The following ANO4 variants were observed in gnomAD, a reference collection of about 807,000 sequenced individuals.
ANO4 encodes anoctamin 4.
ANO4 carries 69 observed loss-of-function variants against 141.9 expected under a neutral mutation model. That is an observed-to-expected ratio of 0.49 (90% CI 0.40 to 0.59). The LOEUF (loss-of-function observed/expected upper bound fraction) is 0.59. Among genes scored for constraint, ANO4 ranks in the 20% least tolerant of loss-of-function variants. The pLI is 0.00. For missense variants in ANO4, 894 were observed against 1,162.2 expected, an observed-to-expected ratio of 0.77 and a Z score of 3.36; for synonymous variants, 350 against 394.3, an observed-to-expected ratio of 0.89 and a Z score of 1.33.
At chr12:100,936,750 C>A (rs1345648899) in intron 3 of ANO4, among the ~76,000 whole-genome samples, 1 of 152,166 alleles carries the variant, frequency 6.6e-6, no homozygotes, top group Non-Finnish European at 1.5e-5. Flanking sequence ...TCACTTTAAG[C>A]TCCCAGAGTC....
chr12:101,058,104 A>G (rs1593150661), intron 14 of ANO4, among the ~76,000 whole-genome samples: 1 of 152,220 alleles, frequency 6.6e-6, no homozygotes, highest in Non-Finnish European at 1.5e-5. Flanking sequence ...TCCCAACACC[A>G]TTTATTAAAT....
intron 25 of ANO4, among the ~76,000 whole-genome samples, chr12:101,118,377 A>G (rs2050941553): frequency 6.6e-6 from 1 of 152,184 alleles, no homozygotes; most frequent in Non-Finnish European, 1.5e-5. Flanking sequence ...GGAGGTATTA[A>G]TGCTGGCACC....
intron 1 of ANO4, among the ~76,000 whole-genome samples, chr12:100,883,688 T>C: frequency 6.6e-6 from 1 of 152,204 alleles, no homozygotes; most frequent in East Asian, 1.9e-4. Flanking sequence ...GCTTACACTA[T>C]TCACATTACT....
chr12:100,778,357 G>C (rs2033602490), intron 3 of ANO4, among the ~76,000 whole-genome samples: 1 of 152,160 alleles, frequency 6.6e-6, no homozygotes. Context: ...GGTTCTTGAA[G>C]GCAATGTGAG....
intron 3 of ANO4, among the ~76,000 whole-genome samples, chr12:100,756,256 G>A (rs567488999): frequency 6.6e-6 from 1 of 152,186 alleles, no homozygotes; most frequent in South Asian, 2.1e-4. Flanking sequence ...GTCCTGAAAT[G>A]CCACTTTACT....
chr12:100,972,806 A>G (rs908218076), intron 6 of ANO4, among the ~76,000 whole-genome samples: 1 of 152,244 alleles, frequency 6.6e-6, no homozygotes, highest in African/African-American at 2.4e-5. Flanking sequence ...AATAAATCTC[A>G]TAAAACCTTC....
At chr12:100,986,739 G>T (rs1486779433) in intron 7 of ANO4, among the ~76,000 whole-genome samples, 1 of 152,164 alleles carries the variant, frequency 6.6e-6, no homozygotes, top group Non-Finnish European at 1.5e-5. Context: ...GTTTGGTGTG[G>T]TTTTTGCGCC....
intron 1 of ANO4, among the ~76,000 whole-genome samples, chr12:100,857,842 C>G (rs1372967421): frequency 2.6e-5 from 4 of 152,060 alleles, no homozygotes; most frequent in Non-Finnish European, 5.9e-5. Context: ...AAAGAATTTT[C>G]TTACTAAATA....
At chr12:101,027,972 G>A (rs913244531) in intron 9 of ANO4, among the ~76,000 whole-genome samples, 2 of 152,272 alleles carry the variant, frequency 1.3e-5, no homozygotes, top group Non-Finnish European at 2.9e-5. Context: ...GAAGGAGCAG[G>A]CACCCATCTT....
chr12:101,069,964 T>C (rs1418887323), intron 14 of ANO4, among the ~76,000 whole-genome samples: 1 of 151,994 alleles, frequency 6.6e-6, no homozygotes, highest in East Asian at 1.9e-4. Context: ...GCGTTTGTTT[T>C]TTTATAAAGT....
intron 2 of ANO4, among the ~76,000 whole-genome samples, chr12:100,912,852 A>C (rs998993235): frequency 6.6e-6 from 1 of 152,180 alleles, no homozygotes; most frequent in African/African-American, 2.4e-5. Flanking sequence ...TTTATTTCTC[A>C]TTGCATTGAA....
intron 9 of ANO4, among the ~76,000 whole-genome samples, chr12:101,024,285 A>G (rs538970845): frequency 1.2e-4 from 18 of 152,344 alleles, no homozygotes; most frequent in African/African-American, 3.8e-4. Context: ...TTGATAAATT[A>G]TGATAAACTT....
At chr12:100,864,843 C>T (rs1010356815) in intron 1 of ANO4, among the ~76,000 whole-genome samples, 10 of 152,172 alleles carry the variant, frequency 6.6e-5, no homozygotes, top group Non-Finnish European at 1.3e-4. Context: ...CCCTAACCCC[C>T]GACACCCTGA....
chr12:101,006,251 TA>T (rs2045866875), intron 8 of ANO4, among the ~76,000 whole-genome samples: 1 of 152,186 alleles, frequency 6.6e-6, no homozygotes, highest in African/African-American at 2.4e-5. Flanking sequence ...GATCCTATTA[TA>T]AAGGTACCTT....
rs142056127 is a variant in ANO4 at position 100,894,275 on chromosome 12, C to G, written c.-140-7371C>G. On this transcript the variant is annotated intron_variant, in intron 1 of 27. Transcript: ENST00000392977. ...GAAATAAAAGGAGGCATGACAGGGC[C>G]AAGGACCTGGTGTGGTGGAGGATGG... 6.8e-3 allele frequency among the ~76,000 whole-genome samples: 1,028 copies of G among 152,120 alleles called. 7 individuals are homozygous for G. Among genetic ancestry groups the G allele is most frequent in the Non-Finnish European group, 0.011 (771 of 68,016 alleles).
chr12:100,758,566 C>G (rs1178233509), intron 3 of ANO4, among the ~76,000 whole-genome samples: 1 of 152,164 alleles, frequency 6.6e-6, no homozygotes, highest in African/African-American at 2.4e-5. Flanking sequence ...ATAATGACAG[C>G]TGACACTTAT....
rs113595141 is a variant in ANO4 at position 101,089,359 on chromosome 12, T to TA, written c.1701+2545dup. Among the ~76,000 whole-genome samples the TA allele has an allele frequency of 1.4e-3, 201 of 146,858 alleles. No homozygotes were observed. In the Middle Eastern group the frequency reaches 0.025, roughly 18 times the overall value. ...AAAAAGTTTCAAGACTCAGAAGTAA[T>TA]AAAAAAAAAAGGGCAGTTGCTGATC... On this transcript the variant is annotated intron_variant, in intron 17 of 27. Coordinates refer to ENST00000392977, the MANE Select transcript of ANO4 (RefSeq NM_001286615.2).
chr12:101,074,803 A>C (rs1056592822), intron 14 of ANO4, among the ~76,000 whole-genome samples: 2 of 152,220 alleles, frequency 1.3e-5, no homozygotes, highest in African/African-American at 4.8e-5. Context: ...AATTTCTTAT[A>C]AGCATATGAA....
chr12:100,868,024 C>A (rs770995819), intron 1 of ANO4, among the ~76,000 whole-genome samples: 1 of 152,176 alleles, frequency 6.6e-6, no homozygotes, highest in East Asian at 1.9e-4. Flanking sequence ...GAGATGGACT[C>A]AGGCCAAGAC....
Sources: allele counts gnomAD v4.1 joint callset (sites outside exome capture counted in the v4.1 genomes callset), GRCh38; gene constraint gnomAD v4.1.1; transcripts MANE v1.5; gene names NCBI Gene and HGNC (gene_info 2026-07-23, HGNC 2026-07-21).